Variants in RMC1 observed in about 807,000 individuals in gnomAD.
RMC1 encodes regulator of MON1-CCZ1, also known as regulator of MON1-CCZ1 complex.
RMC1 carries 44 observed loss-of-function variants against 95.5 expected under a neutral mutation model. That is an observed-to-expected ratio of 0.46 (90% CI 0.36 to 0.59). RMC1 has a LOEUF of 0.59. Among genes scored for constraint, RMC1 ranks in the 20% least tolerant of loss-of-function variants. The pLI, the probability that RMC1 is intolerant of heterozygous loss-of-function variation, is 0.00. For missense variants in RMC1, 705 were observed against 819.6 expected (o/e 0.86, Z 1.71); for synonymous variants, 320 against 303.6 (o/e 1.05, Z -0.56).
At position 23,530,117 on chromosome 18, in the gene RMC1, C is replaced by T. The variant is rs370348323; in HGVS notation, c.1584C>T (p.Ser528=). 49 of 1,614,110 alleles carry T rather than the reference C, an allele frequency of 3.0e-5. No homozygotes were observed. The highest frequency in any genetic ancestry group is 1.5e-4 in the Admixed American group (9 of 60,028). The change falls in exon 17 of 20, where the codon AGC becomes AGT. Residue 528 remains serine, a synonymous_variant. Coordinates refer to ENST00000269221, the MANE Select transcript of RMC1 (RefSeq NM_013326.5). ...LHQFLQYHVL[S]DSKPLACLLL... is the part of the protein sequence containing the mutation. ...AGTTCCTGCAGTACCACGTCCTCAG[C>T]GACTCCAAACCTTTGGTATGCATTG...
intron 2 of RMC1, among the ~76,000 whole-genome samples, chr18:23,505,676 G>A (rs537287547): frequency 7.2e-5 from 11 of 152,316 alleles, no homozygotes; most frequent in African/African-American, 1.9e-4. Flanking sequence ...AGCAATCAGC[G>A]AGCCATGTGT....
At chr18:23,516,958 T>C (rs2058024990) in intron 7 of RMC1, among the ~76,000 whole-genome samples, 1 of 151,966 alleles carries the variant, frequency 6.6e-6, no homozygotes, top group South Asian at 2.1e-4. Context: ...ACTCCTGACC[T>C]CAAGTGATCC....
intron 8 of RMC1, 25 bp from the exon 9 acceptor site, chr18:23,519,044 C>T: frequency 6.2e-7 from 1 of 1,612,718 alleles, no homozygotes; most frequent in Non-Finnish European, 8.5e-7. Flanking sequence ...GCTTGTTGAT[C>T]TGTTTTTTGC....
intron 10 of RMC1, among the ~76,000 whole-genome samples, chr18:23,522,101 G>GACTTTC (rs1183683159): frequency 2.0e-5 from 3 of 152,248 alleles, no homozygotes; most frequent in Admixed American, 2.0e-4. Context: ...AGTTCAGCAA[G>GACTTTC]AGCACCATTG....
In RMC1 at chr18:23,520,198, C is replaced by G; in HGVS notation, c.850-4C>G. The G allele has an allele frequency of 6.2e-7, 1 of 1,612,000 alleles. No homozygotes were observed. Among genetic ancestry groups the G allele is most frequent in the Non-Finnish European group, 8.5e-7 (1 of 1,178,138 alleles). ...GGCCTCAGTCTTGTCTTTTTCCCCC[C>G]CAGACATCGGTAATATTCGATATCA... On this transcript the variant is annotated splice_region_variant and splice_polypyrimidine_tract_variant and intron_variant, in intron 9 of 19. Transcript: ENST00000269221.
chr18:23,516,480 T>G, intron 7 of RMC1, 57 bp downstream of exon 7: 1 of 1,562,262 alleles, frequency 6.4e-7, no homozygotes, highest in East Asian at 2.2e-5. Flanking sequence ...ATATAAATAA[T>G]AGAAGGAGTG....
intron 14 of RMC1, 36 bp from the exon 15 acceptor site, chr18:23,529,143 T>C: frequency 6.3e-7 from 1 of 1,598,968 alleles, no homozygotes; most frequent in Non-Finnish European, 8.5e-7. Flanking sequence ...TCCTCTAAGA[T>C]GCCGAAGATC....
At position 23,529,619 on chromosome 18, in the gene RMC1, AT is replaced by A. The variant is rs760109984; in HGVS notation, c.1417-9del. The A allele has an allele frequency of 1.9e-6, 3 of 1,611,006 alleles. No homozygotes were observed. The highest frequency in any genetic ancestry group is 3.3e-5 in the Admixed American group (2 of 59,976). On this transcript the variant is annotated splice_polypyrimidine_tract_variant and intron_variant, in intron 15 of 19. Coordinates refer to ENST00000269221, the MANE Select transcript of RMC1 (RefSeq NM_013326.5). ...ACCTCGTTGGTATTTGTAAGACCACATTTTTTTCTCCCTAGGAGATGCCTCA... is the reference window on the plus strand; with the variant it reads ...ACCTCGTTGGTATTTGTAAGACCACATTTTTTCTCCCTAGGAGATGCCTCA...
At chr18:23,518,344 T>C (rs1029955551) in intron 7 of RMC1, among the ~76,000 whole-genome samples, 27 of 152,044 alleles carry the variant, frequency 1.8e-4, no homozygotes, top group Non-Finnish European at 3.1e-4. Flanking sequence ...ATTTAAAAAT[T>C]AGCCAGGCAC....
chr18:23,522,171 T>C (rs1323904852), intron 10 of RMC1: 2 of 152,240 alleles, frequency 1.3e-5, no homozygotes, highest in African/African-American at 4.8e-5. Flanking sequence ...TCTGGCACAG[T>C]TGGAGGAAGG....
At chr18:23,528,928 G>A (rs1404638474) in intron 14 of RMC1, 13 of 373,398 alleles carry the variant, frequency 3.5e-5, no homozygotes, top group Non-Finnish European at 5.7e-5. Flanking sequence ...TGCCCAGGCT[G>A]GAGTGCAATG....
At chr18:23,518,751 T>C in intron 7 of RMC1, 139 bp from the exon 8 acceptor site, 1 of 676,210 alleles carries the variant, frequency 1.5e-6, no homozygotes, top group Non-Finnish European at 2.5e-6. Flanking sequence ...AGTAACTGCA[T>C]GTTTCTTTGT....
Position 23,519,149 on chromosome 18 carries a change from T to C in RMC1, c.824T>C (p.Val275Ala). ...GCCCTGAACGTGGTGGACAACCTGG[T>C]AGTCGTGCATCATCAGGATACAGAG... ...KFALNVVDNL[V>A]VVHHQDTETS... Residue 275 changes from valine (V) to alanine (A), a missense_variant, in exon 9 of 20, where the codon GTA (valine) becomes GCA (alanine). By Grantham distance (64) the Val-to-Ala change is moderately conservative. Transcript: ENST00000269221. 6.2e-7 allele frequency: 1 copy of C among 1,614,126 alleles called. No homozygotes were observed. The highest frequency in any genetic ancestry group is 8.5e-7 in the Non-Finnish European group (1 of 1,179,988).
chr18:23,523,866 G>A (rs1247167315), intron 10 of RMC1, among the ~76,000 whole-genome samples: 5 of 152,176 alleles, frequency 3.3e-5, no homozygotes, highest in African/African-American at 1.2e-4. Context: ...GTCATCTTTG[G>A]TTATTAAAAA....
At chr18:23,527,927 G>T (rs370745743) in intron 14 of RMC1, 26 bp downstream of exon 14, 3 of 1,541,334 alleles carry the variant, frequency 1.9e-6, no homozygotes, top group East Asian at 2.3e-5. Flanking sequence ...TATGACAAAG[G>T]GTCCTCCTCC....
intron 1 of RMC1, 67 bp downstream of exon 1, chr18:23,503,787 C>T: frequency 7.4e-7 from 1 of 1,355,034 alleles, no homozygotes. Flanking sequence ...CAAGGCCGGT[C>T]CCGCGCGACC....
Position 23,527,864 on chromosome 18 carries a change from A to G in RMC1, c.1259A>G (p.Tyr420Cys), listed in dbSNP as rs1212138921. 1 of 1,614,178 alleles carries G rather than the reference A, an allele frequency of 6.2e-7. No homozygotes were observed. The highest frequency in any genetic ancestry group is 8.5e-7 in the Non-Finnish European group (1 of 1,180,032). Residue 420 changes from tyrosine to cysteine, a missense_variant, in exon 14 of 20, where the codon TAT (tyrosine) becomes TGT (cysteine). Coordinates refer to ENST00000269221, the MANE Select transcript of RMC1 (RefSeq NM_013326.5). ...ATVFDKLNHE[Y>C]KKYLDAEQSY... ...GTTTTTGATAAACTCAACCATGAGT[A>G]TAAAAAGTACCTGGATGCCGAGCAG...
chr18:23,521,169 A>T (rs985244994), intron 10 of RMC1, among the ~76,000 whole-genome samples: 3 of 152,188 alleles, frequency 2.0e-5, no homozygotes, highest in Non-Finnish European at 4.4e-5. Context: ...CTAGTTTTTT[A>T]AAAAATGCAA....
At chr18:23,503,838 A>G in intron 1 of RMC1, 118 bp downstream of exon 1, 1 of 859,296 alleles carries the variant, frequency 1.2e-6, no homozygotes, top group Non-Finnish European at 1.6e-6. Context: ...GTCCCGTCCC[A>G]GCGCGGGAGG....
Sources: gnomAD v4.1 joint callset for allele counts (sites outside exome capture counted in the v4.1 genomes callset) on GRCh38, gnomAD v4.1.1 for gene constraint, MANE v1.5 for transcripts, NCBI Gene and HGNC (gene_info 2026-07-23, HGNC 2026-07-21) for gene names.